PCDH15: variants seen among roughly 807,000 people sequenced by gnomAD.
PCDH15 encodes protocadherin related 15, also known as protocadherin-15.
Under a neutral mutation model 178.5 loss-of-function variants are expected in PCDH15, and 129 were observed. That is an observed-to-expected ratio of 0.72 (90% CI 0.63 to 0.84). The LOEUF (loss-of-function observed/expected upper bound fraction) is 0.84. Among genes scored for constraint, PCDH15 ranks in the 40% least tolerant of loss-of-function variants. PCDH15 has a pLI of 0.00. For synonymous variants in PCDH15, 800 were observed against 732.0 expected, an observed-to-expected ratio of 1.09 and a Z score of -1.50; for missense variants, 2,230 against 2,099.9, an observed-to-expected ratio of 1.06 and a Z score of -1.21.
chr10:54,174,841 T>A (rs555778643), intron 13 of PCDH15, among the ~76,000 whole-genome samples: 48 of 151,466 alleles, frequency 3.2e-4, no homozygotes, highest in African/African-American at 1.1e-3. Context: ...TTTCTTAGAT[T>A]GGGGAATATC....
chr10:54,814,988 T>C (rs920520050), intron 3 of PCDH15, among the ~76,000 whole-genome samples: 1 of 152,112 alleles, frequency 6.6e-6, no homozygotes, highest in African/African-American at 2.4e-5. Context: ...ATAGTGTCTT[T>C]GTCACCCAAA....
At chr10:55,587,436 A>G (rs1842746331) in intron 2 of PCDH15, among the ~76,000 whole-genome samples, 1 of 151,848 alleles carries the variant, frequency 6.6e-6, no homozygotes, top group African/African-American at 2.4e-5. Flanking sequence ...GGAAAAATAT[A>G]TATTTTTAGC....
At position 54,352,872 on chromosome 10, in the gene PCDH15, G is replaced by C. The variant is rs567283066; in HGVS notation, c.475-6388C>G. Reference sequence around the variant, plus strand: ...ACGTTTAATCAACAATGAGAACTATGATTCATCCTTTAACTTTCTCCCCAG... The same window carrying C: ...ACGTTTAATCAACAATGAGAACTATCATTCATCCTTTAACTTTCTCCCCAG... On this transcript the variant is annotated intron_variant, in intron 5 of 37. Coordinates refer to ENST00000644397, the MANE Select transcript of PCDH15 (RefSeq NM_001384140.1). 3.9e-5 allele frequency among the ~76,000 whole-genome samples: 6 copies of C among 152,190 alleles called. No individual in the cohort carries two copies. In the East Asian group the frequency reaches 1.2e-3, roughly 29 times the overall value.
chr10:55,385,243 A>T (rs1351685068), intron 2 of PCDH15, among the ~76,000 whole-genome samples: 1 of 152,142 alleles, frequency 6.6e-6, no homozygotes, highest in Non-Finnish European at 1.5e-5. Context: ...AGAATTGCAG[A>T]GGCATTGGGG....
intron 2 of PCDH15, among the ~76,000 whole-genome samples, chr10:54,530,916 G>GTTTTAATTAGTTTTGA (rs1405446757): frequency 6.6e-6 from 1 of 152,044 alleles, no homozygotes; most frequent in Non-Finnish European, 1.5e-5. Context: ...ATTCACGACA[G>GTTTTAATTAGTTTTGA]CATAATTAAT....
At chr10:54,630,141 T>G (rs1473691073) in intron 2 of PCDH15, among the ~76,000 whole-genome samples, 1 of 152,128 alleles carries the variant, frequency 6.6e-6, no homozygotes, top group Admixed American at 6.6e-5. Context: ...CCGACTACGT[T>G]TTTCCCAGAA....
At chr10:55,015,346 A>G (rs16906812) in intron 2 of PCDH15, among the ~76,000 whole-genome samples, 19,886 of 151,960 alleles carry the variant, frequency 0.13, 1,498 homozygotes, top group Middle Eastern at 0.22. Flanking sequence ...TTCTACCTCA[A>G]TGCCTCACTA....
intron 1 of PCDH15, among the ~76,000 whole-genome samples, chr10:54,702,918 A>C (rs1362082966): frequency 6.6e-6 from 1 of 151,958 alleles, no homozygotes; most frequent in African/African-American, 2.4e-5. Flanking sequence ...CAACAAAAGA[A>C]AACTTCAAGC....
chr10:54,485,103 A>G (rs934830769), intron 3 of PCDH15, among the ~76,000 whole-genome samples: 1 of 151,854 alleles, frequency 6.6e-6, no homozygotes, highest in African/African-American at 2.4e-5. Flanking sequence ...ACAATATGAG[A>G]ACACTTATTT....
chr10:54,490,938 G>T (rs368962041), intron 3 of PCDH15, among the ~76,000 whole-genome samples: 1 of 152,254 alleles, frequency 6.6e-6, no homozygotes, highest in East Asian at 1.9e-4. Context: ...TACTCCAGAT[G>T]CATTAGCTTT....
chr10:54,714,682 G>A (rs1477461423), intron 1 of PCDH15, among the ~76,000 whole-genome samples: 1 of 152,026 alleles, frequency 6.6e-6, no homozygotes, highest in Admixed American at 6.6e-5. Flanking sequence ...TGAGGTTTGG[G>A]AAGTTAAGTT....
chr10:54,383,985 ATTTTTTTTTTT>A (rs59756150), intron 3 of PCDH15, among the ~76,000 whole-genome samples: 107,444 of 129,660 alleles, frequency 0.83, 44,337 homozygotes, highest in East Asian at 0.97. Context: ...CAAACAGTTA[ATTTTTTTTTTT>A]TTTTTTTTTT....
At chr10:54,436,031 G>GA (rs1554969674) in intron 3 of PCDH15, among the ~76,000 whole-genome samples, 64 of 34,526 alleles carry the variant, frequency 1.9e-3, no homozygotes, top group African/African-American at 8.6e-3. Flanking sequence ...GGAGAGGAGA[G>GA]GAGAGAGAGA....
chr10:53,920,537 G>A (rs2083911576), intron 25 of PCDH15, among the ~76,000 whole-genome samples: 7 of 151,802 alleles, frequency 4.6e-5, no homozygotes. Context: ...ATAATGATAA[G>A]TACTGCTTTT....
At chr10:54,974,491 T>C (rs546938473) in intron 2 of PCDH15, among the ~76,000 whole-genome samples, 4 of 151,726 alleles carry the variant, frequency 2.6e-5, no homozygotes, top group African/African-American at 7.3e-5. Flanking sequence ...TGTGTATATA[T>C]GTATATAATA....
intron 17 of PCDH15, among the ~76,000 whole-genome samples, chr10:54,078,865 A>G (rs1031513911): frequency 8.5e-5 from 13 of 152,248 alleles, no homozygotes; most frequent in Middle Eastern, 3.4e-3. Flanking sequence ...TATGATTCTT[A>G]CTGCTACTTA....
chr10:55,110,061 T>C (rs1837458486), intron 2 of PCDH15, among the ~76,000 whole-genome samples: 1 of 151,726 alleles, frequency 6.6e-6, no homozygotes, highest in Non-Finnish European at 1.5e-5. Context: ...TGATTTTTAA[T>C]ATTATAGCAT....
At chr10:55,574,795 A>T (rs1344605174) in intron 2 of PCDH15, among the ~76,000 whole-genome samples, 1 of 151,994 alleles carries the variant, frequency 6.6e-6, no homozygotes, top group East Asian at 1.9e-4. Flanking sequence ...TGAAAACTCT[A>T]TGAGGGTGGA....
chr10:54,335,909 G>A (rs1219509020), intron 6 of PCDH15, among the ~76,000 whole-genome samples: 2 of 152,104 alleles, frequency 1.3e-5, no homozygotes, highest in African/African-American at 4.8e-5. Context: ...GGGAATGTTT[G>A]GAACTTCCTA....
Sources: gnomAD v4.1 joint callset for allele counts (sites outside exome capture counted in the v4.1 genomes callset) on GRCh38, gnomAD v4.1.1 for gene constraint, MANE v1.5 for transcripts, NCBI Gene and HGNC (gene_info 2026-07-23, HGNC 2026-07-21) for gene names.